Variants in PALLD observed in about 807,000 individuals in gnomAD.
PALLD encodes the protein palladin, cytoskeletal associated protein.
In PALLD, 61 loss-of-function variants were observed where a neutral mutation model predicts 123.5. The ratio of observed to expected loss-of-function variants is 0.49; its 90% CI spans 0.40 to 0.61. The LOEUF is 0.61. Among genes scored for constraint, PALLD ranks in the 20% least tolerant of loss-of-function variants. The pLI is 0.00. For synonymous variants in PALLD, 465 were observed against 496.4 expected, an observed-to-expected ratio of 0.94 and a Z score of 0.84; for missense variants, 1,273 against 1,377.0, an observed-to-expected ratio of 0.92 and a Z score of 1.20.
In PALLD at chr4:168,795,822, C is replaced by A. The variant is rs552739970; in HGVS notation, c.1964+83899C>A. ...TTCTGTGCTCAACAGAATTCTCCCC[C>A]CTCAAACTCCCCCGTAGCTGTGACC... On this transcript the variant is annotated intron_variant, in intron 10 of 21. Coordinates refer to ENST00000505667, the MANE Select transcript of PALLD (RefSeq NM_001166108.2). 5.3e-5 allele frequency among the ~76,000 whole-genome samples: 8 copies of A among 152,070 alleles called. No individual in the cohort carries two copies. The South Asian group carries it at 1.5e-3, about 28-fold the overall frequency.
intron 10 of PALLD, among the ~76,000 whole-genome samples, chr4:168,715,525 G>A (rs574927915): frequency 2.1e-4 from 32 of 152,312 alleles, no homozygotes; most frequent in Admixed American, 1.8e-3. Flanking sequence ...GGGAATGAGC[G>A]TAAACCTAAC....
chr4:168,892,010 A>C (rs1036078226), intron 11 of PALLD, among the ~76,000 whole-genome samples: 1 of 152,206 alleles, frequency 6.6e-6, no homozygotes, highest in African/African-American at 2.4e-5. Context: ...TAATTATTTT[A>C]CAGCTGCAGA....
chr4:168,601,822 C>T (rs1772690384), intron 2 of PALLD, among the ~76,000 whole-genome samples: 1 of 152,104 alleles, frequency 6.6e-6, no homozygotes, highest in African/African-American at 2.4e-5. Context: ...CTTCGAGATC[C>T]AAAAGCACGA....
chr4:168,541,097 A>G (rs1765566279), intron 2 of PALLD, among the ~76,000 whole-genome samples: 1 of 152,246 alleles, frequency 6.6e-6, no homozygotes, highest in African/African-American at 2.4e-5. Flanking sequence ...AAAGAAAACA[A>G]TGGAAAATGT....
At chr4:168,752,152 T>C (rs2150389848) in intron 10 of PALLD, among the ~76,000 whole-genome samples, 1 of 152,336 alleles carries the variant, frequency 6.6e-6, no homozygotes, top group East Asian at 1.9e-4. Context: ...GCGGGTGGAT[T>C]GCTTGAGCAC....
At chr4:168,523,978 A>C (rs1230072857) in intron 2 of PALLD, among the ~76,000 whole-genome samples, 1 of 152,224 alleles carries the variant, frequency 6.6e-6, no homozygotes, top group Non-Finnish European at 1.5e-5. Flanking sequence ...ATTAATAGCC[A>C]ACATTTCTTG....
chr4:168,761,641 G>GTTTTTTTTTTTTTTTTTT (rs1230404942), intron 10 of PALLD, among the ~76,000 whole-genome samples: 3 of 11,648 alleles, frequency 2.6e-4, no homozygotes, highest in East Asian at 2.2e-3. Context: ...TGTTGTTGTT[G>GTTTTTTTTTTTTTTTTTT]TTTGTTTTTT....
At position 168,793,174 on chromosome 4, in the gene PALLD, T is replaced by C. The variant is rs1329385642; in HGVS notation, c.1964+81251T>C. 6.9e-4 allele frequency among the ~76,000 whole-genome samples: 91 copies of C among 131,990 alleles called. 3 individuals are homozygous for C. The highest frequency in any genetic ancestry group is 2.5e-3 in the African/African-American group (87 of 35,090). The allele number at this position is 131,990 out of a possible 152,430, so 86.6% of individuals were successfully genotyped here. On this transcript the variant is annotated intron_variant, in intron 10 of 21. Transcript: ENST00000505667. ...GTGCATATATATACATATATATGTG[T>C]GCATATATATACATATATATGTGTG...
chr4:168,717,857 C>T (rs1267409540), intron 10 of PALLD, among the ~76,000 whole-genome samples: 1 of 152,220 alleles, frequency 6.6e-6, no homozygotes, highest in Non-Finnish European at 1.5e-5. Context: ...ACTTTCAACT[C>T]CTTCCTCATT....
chr4:168,889,329 A>C (rs1242985118), intron 10 of PALLD, among the ~76,000 whole-genome samples: 5 of 151,238 alleles, frequency 3.3e-5, no homozygotes, highest in African/African-American at 1.2e-4. Flanking sequence ...ACACCCAGCT[A>C]ATTTTTGTAT....
chr4:168,594,343 T>C (rs776999591), intron 2 of PALLD, among the ~76,000 whole-genome samples: 5 of 152,170 alleles, frequency 3.3e-5, no homozygotes, highest in African/African-American at 2.4e-5. Context: ...AAGCTTTACC[T>C]TAGTCGCAAG....
intron 2 of PALLD, among the ~76,000 whole-genome samples, chr4:168,652,157 C>A (rs1778119587): frequency 2.6e-5 from 4 of 152,102 alleles, no homozygotes; most frequent in Admixed American, 2.0e-4. Flanking sequence ...CCTTTCCCAA[C>A]AGATAGTCTT....
chr4:168,792,774 GT>G (rs895087458), intron 10 of PALLD, among the ~76,000 whole-genome samples: 3 of 145,674 alleles, frequency 2.1e-5, no homozygotes, highest in African/African-American at 2.5e-5. Context: ...TTCTTTTTTT[GT>G]TTTTTTTTTG....
intron 10 of PALLD, among the ~76,000 whole-genome samples, chr4:168,826,210 T>C (rs1743398593): frequency 6.6e-6 from 1 of 152,288 alleles, no homozygotes; most frequent in African/African-American, 2.4e-5. Context: ...CAGATTCTAC[T>C]GTGGATCAAG....
intron 11 of PALLD, 32 bp downstream of exon 11, chr4:168,891,089 T>C (rs1192477253): frequency 1.2e-6 from 2 of 1,611,462 alleles, no homozygotes; most frequent in Admixed American, 1.7e-5. Context: ...GGACTTGGAA[T>C]GTTAGCTACC....
chr4:168,554,228 G>A (rs1029455571), intron 2 of PALLD, among the ~76,000 whole-genome samples: 25 of 152,146 alleles, frequency 1.6e-4, no homozygotes, highest in African/African-American at 5.8e-4. Flanking sequence ...GTCATTCCTT[G>A]TTCCTTGCTT....
intron 2 of PALLD, among the ~76,000 whole-genome samples, chr4:168,572,269 G>A (rs1237734507): frequency 6.6e-6 from 1 of 151,932 alleles, no homozygotes; most frequent in East Asian, 1.9e-4. Context: ...TGTGGTCCAG[G>A]TACTCTATAA....
At position 168,511,751 on chromosome 4, in the gene PALLD, G is replaced by A; in HGVS notation, c.247G>A (p.Glu83Lys). 12 of 1,614,136 alleles carry A rather than the reference G, an allele frequency of 7.4e-6. No homozygotes were observed. Among genetic ancestry groups the A allele is most frequent in the Non-Finnish European group, 9.3e-6 (11 of 1,180,044 alleles). Reference sequence around the variant, plus strand: ...CCTCTGTGAACATCCTTCCCATAAGGAGACCAAATTGGGTGAACACGCCTC... The same window carrying A: ...CCTCTGTGAACATCCTTCCCATAAGAAGACCAAATTGGGTGAACACGCCTC... ...ASLCEHPSHK[E>K]TKLGEHASRR... The change falls in exon 2 of 22, where the codon GAG becomes AAG. Residue 83 changes from glutamate (E) to lysine (K), a missense_variant. By Grantham distance (56) the Glu-to-Lys change is moderately conservative. Coordinates refer to ENST00000505667, the MANE Select transcript of PALLD (RefSeq NM_001166108.2).
At chr4:168,668,807 G>C (rs532626995) in intron 3 of PALLD, among the ~76,000 whole-genome samples, 1 of 152,136 alleles carries the variant, frequency 6.6e-6, no homozygotes, top group South Asian at 2.1e-4. Context: ...CTTTTGTTAA[G>C]ACCCCATTAT....
Sources: allele counts gnomAD v4.1 joint callset (sites outside exome capture counted in the v4.1 genomes callset), GRCh38; gene constraint gnomAD v4.1.1; transcripts MANE v1.5; gene names NCBI Gene and HGNC (gene_info 2026-07-23, HGNC 2026-07-21).